Variants in CTSB observed in about 807,000 individuals in gnomAD.
CTSB encodes cathepsin B.
A neutral mutation model predicts 44.3 loss-of-function variants in CTSB; 57 were observed. The ratio of observed to expected loss-of-function variants is 1.29; its 90% confidence interval spans 1.04 to 1.60. The LOEUF is 1.60. Ranked by LOEUF, CTSB falls within the 40% of genes most tolerant of loss-of-function variation. The pLI is 0.00. For missense variants in CTSB, 768 were observed against 443.0 expected, an observed-to-expected ratio of 1.73 and a Z score of -6.59; for synonymous variants, 320 against 168.0, an observed-to-expected ratio of 1.91 and a Z score of -7.00.
chr8:11,855,007 T>C (rs1299967185), intron 1 of CTSB: 2 of 152,282 alleles, frequency 1.3e-5, no homozygotes, highest in African/African-American at 4.8e-5. Context: ...ACACAAAAAG[T>C]ACCACATGCA....
chr8:11,856,794 T>C (rs1180907541), intron 1 of CTSB, among the ~76,000 whole-genome samples: 4 of 151,764 alleles, frequency 2.6e-5, no homozygotes, highest in Non-Finnish European at 1.5e-5. Context: ...CCAAGGAAGA[T>C]GCACGGCAGT....
chr8:11,860,516 C>A (rs1360780778), intron 1 of CTSB, among the ~76,000 whole-genome samples: 1 of 152,082 alleles, frequency 6.6e-6, no homozygotes, highest in Non-Finnish European at 1.5e-5. Flanking sequence ...CCCAACTACT[C>A]GGGAGGCTGA....
At chr8:11,858,906 T>G (rs1334302945) in intron 1 of CTSB, among the ~76,000 whole-genome samples, 1 of 152,220 alleles carries the variant, frequency 6.6e-6, no homozygotes, top group Admixed American at 6.5e-5. Flanking sequence ...ATTTCTTAAT[T>G]CTGTGCTTTC....
chr8:11,850,825 C>T (rs759754613), intron 4 of CTSB, 41 bp downstream of exon 4: 3 of 1,474,656 alleles, frequency 2.0e-6, no homozygotes, highest in Admixed American at 1.8e-5. Flanking sequence ...GTTGCTCCCA[C>T]TTTCTCTCCA....
intron 6 of CTSB, 47 bp from the exon 7 acceptor site, chr8:11,847,869 A>AAAAGCCCCAGCTGGGC: frequency 2.1e-6 from 3 of 1,436,790 alleles, no homozygotes; most frequent in Non-Finnish European, 2.7e-6. Flanking sequence ...GCCCCCACGG[A>AAAAGCCCCAGCTGGGC]GAAGACCTGG....
At chr8:11,848,814 C>G (rs1022030905) in intron 5 of CTSB, 5 of 444,156 alleles carry the variant, frequency 1.1e-5, no homozygotes, top group Middle Eastern at 6.5e-4. Flanking sequence ...CTGAAACTGA[C>G]TGTTTTGCTG....
chr8:11,867,172 C>T (rs1817275806), intron 1 of CTSB: 1 of 152,308 alleles, frequency 6.6e-6, no homozygotes, highest in South Asian at 2.1e-4. Flanking sequence ...GGGTCGCCCA[C>T]CCCAGCCTGC....
intron 4 of CTSB, among the ~76,000 whole-genome samples, chr8:11,849,832 C>T (rs1196625726): frequency 6.6e-6 from 1 of 152,110 alleles, no homozygotes; most frequent in East Asian, 1.9e-4. Context: ...CCGCCTGCCT[C>T]AGCCTCCCAA....
chr8:11,847,543 A>C, intron 7 of CTSB, 136 bp downstream of exon 7: 1 of 955,650 alleles, frequency 1.0e-6, no homozygotes, highest in South Asian at 1.9e-5. Flanking sequence ...GCAAGAGGGC[A>C]TCACTCCCCC....
At chr8:11,853,738 C>A (rs1014595755) in intron 1 of CTSB, 3 of 374,750 alleles carry the variant, frequency 8.0e-6, no homozygotes, top group Non-Finnish European at 9.8e-6. Flanking sequence ...GAGACCGAGT[C>A]CAGGGCCTTC....
rs781465318 is a variant in CTSB, at chr8:11,847,867, G to A, written c.533-45C>T. ...AGCGGAGTCAACCTACAGCCCCCAC[G>A]GAGAAGACCTGGGGCAAGGCAAGCC... On this transcript the variant is annotated intron_variant, in intron 6 of 9. Coordinates refer to ENST00000353047, the MANE Select transcript of CTSB (RefSeq NM_001908.5). 80 of 1,544,104 alleles carry A rather than the reference G, an allele frequency of 5.2e-5. 1 individual carries two copies. Among genetic ancestry groups the A allele is most frequent in the South Asian group, 1.3e-4 (11 of 81,890 alleles).
chr8:11,857,538 A>T (rs138584147), intron 1 of CTSB, among the ~76,000 whole-genome samples: 43 of 152,192 alleles, frequency 2.8e-4, no homozygotes, highest in African/African-American at 9.9e-4. Flanking sequence ...TTTCCATGGC[A>T]ACTTGAATTT....
chr8:11,848,241 T>A, intron 5 of CTSB, 89 bp from the exon 6 acceptor site: 2 of 1,147,062 alleles, frequency 1.7e-6, no homozygotes, highest in Non-Finnish European at 2.6e-6. Flanking sequence ...CCGAGGCCAC[T>A]CGTGGACCCA....
chr8:11,856,288 C>T (rs1213038669), intron 1 of CTSB, among the ~76,000 whole-genome samples: 1 of 151,758 alleles, frequency 6.6e-6, no homozygotes, highest in Non-Finnish European at 1.5e-5. Flanking sequence ...AACAGAGTAA[C>T]TGTTAAATTA....
In CTSB at chr8:11,847,711, T is replaced by G. The variant is rs1314896045; in HGVS notation, c.644A>C (p.Tyr215Ser). 3.1e-6 allele frequency: 5 copies of G among 1,589,644 alleles called. No homozygotes were observed. Residue 215 changes from tyrosine (Y) to serine (S), a missense_variant, in exon 7 of 10, where the codon TAC becomes TCC. Tyr to Ser is a moderately radical substitution (Grantham distance 144). Coordinates refer to ENST00000353047, the MANE Select transcript of CTSB (RefSeq NM_001908.5). ...PKCSKICEPG[Y>S]SPTYKQDKHY... ...CTTGTCCTGTTTGTAGGTCGGGCTG[T>G]AGCCAGGCTCACAGATCTTGCTACA...
chr8:11,859,811 A>G (rs1326936664), intron 1 of CTSB, among the ~76,000 whole-genome samples: 1 of 141,876 alleles, frequency 7.0e-6, no homozygotes, highest in Non-Finnish European at 1.5e-5. Flanking sequence ...ACAATGGCTC[A>G]CGCATGTAAT....
intron 5 of CTSB, 60 bp downstream of exon 5, chr8:11,848,986 G>A (rs567541253): frequency 1.5e-6 from 2 of 1,299,064 alleles, no homozygotes; most frequent in Admixed American, 1.7e-5. Flanking sequence ...CCTCCACTGA[G>A]AAGCTGGGGC....
At chr8:11,848,521 C>T (rs761202183) in intron 5 of CTSB, 3 of 376,034 alleles carry the variant, frequency 8.0e-6, no homozygotes, top group South Asian at 2.2e-5. Flanking sequence ...AAATGAGAAT[C>T]GCCAGTGATT....
intron 9 of CTSB, among the ~76,000 whole-genome samples, 180 bp downstream of exon 9, chr8:11,845,481 C>G (rs377471294): frequency 6.6e-6 from 1 of 152,216 alleles, no homozygotes; most frequent in Non-Finnish European, 1.5e-5. Flanking sequence ...TGAAGCTGCT[C>G]AGAGTCTGCC....
Sources: allele counts gnomAD v4.1 joint callset (sites outside exome capture counted in the v4.1 genomes callset), GRCh38; gene constraint gnomAD v4.1.1; transcripts MANE v1.5; gene names NCBI Gene and HGNC (gene_info 2026-07-23, HGNC 2026-07-21).